The following NMNAT2 variants were observed in gnomAD, a reference collection of about 807,000 sequenced individuals.
The protein encoded by NMNAT2 is nicotinamide nucleotide adenylyltransferase 2, also known as nicotinamide/nicotinic acid mononucleotide adenylyltransferase 2.
NMNAT2 carries 11 observed loss-of-function variants against 41.6 expected under a neutral mutation model. That is an observed-to-expected ratio of 0.26 (90% CI 0.17 to 0.44). The LOEUF (loss-of-function observed/expected upper bound fraction) is 0.44. NMNAT2 is among the 20% of genes least tolerant of loss of function. NMNAT2 has a pLI of 1.00. For missense variants in NMNAT2, 288 were observed against 407.7 expected (o/e 0.71, Z 2.53); for synonymous variants, 148 against 151.2 (o/e 0.98, Z 0.16).
rs111237560 is a variant in NMNAT2, at chr1:183,253,004, A to G, written c.822-261T>C. ...CTCTGTTCTTCAGTTTTTTTCCTGT[A>G]AAATGAGGGTAATATCTGGGCCCCT... On this transcript the variant is annotated intron_variant, in intron 10 of 10. Coordinates refer to ENST00000287713, the MANE Select transcript of NMNAT2 (RefSeq NM_015039.4). Among the ~76,000 whole-genome samples, 313 of 152,290 alleles carry G rather than the reference A, an allele frequency of 2.1e-3. 2 individuals carry two copies. The highest frequency in any genetic ancestry group is 6.6e-3 in the African/African-American group (274 of 41,544).
At position 183,309,359 on chromosome 1, in the gene NMNAT2, C is replaced by T. The variant is rs186619747; in HGVS notation, c.86-15566G>A. ...TACATTTCAGAGATTGGCTGTTGGG[C>T]GGAAAATAAATTTAGTGGAGCAAGA... On this transcript the variant is annotated intron_variant, in intron 1 of 10. Transcript: ENST00000287713. Among the ~76,000 whole-genome samples the T allele has an allele frequency of 1.3e-3, 205 of 152,070 alleles. 2 individuals are homozygous for T. The highest frequency in any genetic ancestry group is 4.6e-3 in the African/African-American group (191 of 41,456).
At chr1:183,320,205 G>C (rs766344074) in intron 1 of NMNAT2, among the ~76,000 whole-genome samples, 11 of 152,250 alleles carry the variant, frequency 7.2e-5, no homozygotes, top group Non-Finnish European at 1.6e-4. Context: ...TAGTATTTCA[G>C]AGGTAGTATA....
chr1:183,383,958 C>T (rs1271635372), intron 1 of NMNAT2, among the ~76,000 whole-genome samples: 2 of 152,138 alleles, frequency 1.3e-5, no homozygotes, highest in Admixed American at 1.3e-4. Context: ...ATCTTTATAG[C>T]AATGTCCCAC....
At chr1:183,384,693 C>T (rs1252166018) in intron 1 of NMNAT2, among the ~76,000 whole-genome samples, 1 of 152,152 alleles carries the variant, frequency 6.6e-6, no homozygotes, top group Non-Finnish European at 1.5e-5. Context: ...GTAATAATTT[C>T]CCAGTTCACA....
At chr1:183,356,128 T>C (rs939987864) in intron 1 of NMNAT2, among the ~76,000 whole-genome samples, 1 of 152,184 alleles carries the variant, frequency 6.6e-6, no homozygotes, top group African/African-American at 2.4e-5. Context: ...CACAATCTCA[T>C]AGAATCCTCA....
At chr1:183,409,380 G>A (rs1649052304) in intron 1 of NMNAT2, among the ~76,000 whole-genome samples, 1 of 152,090 alleles carries the variant, frequency 6.6e-6, no homozygotes, top group South Asian at 2.1e-4. Context: ...ACAGTGGCAT[G>A]ATCATGACTC....
At chr1:183,356,300 A>G (rs1019589651) in intron 1 of NMNAT2, among the ~76,000 whole-genome samples, 1 of 152,186 alleles carries the variant, frequency 6.6e-6, no homozygotes, top group Non-Finnish European at 1.5e-5. Context: ...CCCTTATACT[A>G]TACTGTTCCC....
rs3841433 is a variant in NMNAT2 at position 183,249,682 on chromosome 1, CGTGTGTGTGTGTGTGTGTGTGTGT to C, written c.*2935_*2958del. The C allele has an allele frequency of 1.3e-4, 15 of 119,516 alleles. No homozygotes were observed. The highest frequency in any genetic ancestry group is 5.1e-4 in the Admixed American group (6 of 11,800). 7.4% of individuals were successfully genotyped at this position (119,516 alleles called of 1,614,324 possible). On this transcript the variant is annotated 3_prime_UTR_variant, in exon 11 of 11. Coordinates refer to ENST00000287713, the MANE Select transcript of NMNAT2 (RefSeq NM_015039.4). ...TTCCCCTAGCAAATGAAGAGTAGGG[CGTGTGTGTGTGTGTGTGTGTGTGT>C]GTGTGTGTGTGTGTGTGTGTGTGTG...
intron 1 of NMNAT2, among the ~76,000 whole-genome samples, chr1:183,314,667 A>C (rs1359167328): frequency 6.6e-6 from 1 of 152,236 alleles, no homozygotes; most frequent in Non-Finnish European, 1.5e-5. Flanking sequence ...CATGGTGTGC[A>C]CAGCCTTTTG....
intron 1 of NMNAT2, among the ~76,000 whole-genome samples, chr1:183,417,248 G>C (rs1649280470): frequency 1.3e-5 from 2 of 151,956 alleles, no homozygotes; most frequent in Admixed American, 1.3e-4. Context: ...GCTGGACCCC[G>C]AACCAGCCAG....
At chr1:183,363,185 G>T (rs1265782234) in intron 1 of NMNAT2, among the ~76,000 whole-genome samples, 1 of 152,140 alleles carries the variant, frequency 6.6e-6, no homozygotes, top group Non-Finnish European at 1.5e-5. Flanking sequence ...TTGCAAGCAT[G>T]GTGTGTTGGA....
chr1:183,273,999 A>G (rs1315524506), intron 8 of NMNAT2, among the ~76,000 whole-genome samples: 3 of 151,016 alleles, frequency 2.0e-5, no homozygotes, highest in Admixed American at 6.6e-5. Context: ...TGCAACCTCT[A>G]TCTCCTGGGT....
intron 1 of NMNAT2, among the ~76,000 whole-genome samples, chr1:183,416,670 CCTT>C (rs1159331136): frequency 2.6e-5 from 4 of 152,160 alleles, no homozygotes; most frequent in Non-Finnish European, 5.9e-5. Context: ...CAGCCTCCCT[CCTT>C]CTATCGTGTA....
intron 1 of NMNAT2, among the ~76,000 whole-genome samples, chr1:183,355,845 C>T (rs1663173099): frequency 1.3e-5 from 2 of 152,190 alleles, no homozygotes; most frequent in Admixed American, 1.3e-4. Context: ...TAGACTCAGA[C>T]AATCAGTGAA....
chr1:183,364,670 A>ACTTT (rs1178153591), intron 1 of NMNAT2, among the ~76,000 whole-genome samples: 4 of 148,280 alleles, frequency 2.7e-5, no homozygotes, highest in African/African-American at 1.0e-4. Flanking sequence ...TTTCTTTCTT[A>ACTTT]CTTTCTTTCT....
At position 183,284,807 on chromosome 1, in the gene NMNAT2, G is replaced by A. The variant is rs753133798; in HGVS notation, c.449-17C>T. The A allele has an allele frequency of 1.2e-6, 2 of 1,602,830 alleles. No homozygotes were observed. The highest frequency in any genetic ancestry group is 1.7e-6 in the Non-Finnish European group (2 of 1,169,676). On this transcript the variant is annotated splice_polypyrimidine_tract_variant and intron_variant, in intron 5 of 10. Transcript: ENST00000287713. Reference sequence around the variant, plus strand: ...AGATCTTGGCTATGGGAGAGAGCAAGACAGACAGGGACAGAGTGGGAGAGA... The same window carrying A: ...AGATCTTGGCTATGGGAGAGAGCAAAACAGACAGGGACAGAGTGGGAGAGA...
intron 3 of NMNAT2, among the ~76,000 whole-genome samples, chr1:183,292,387 T>C (rs1296097549): frequency 6.6e-6 from 1 of 152,130 alleles, no homozygotes; most frequent in Non-Finnish European, 1.5e-5. Flanking sequence ...AGTTCAGGAA[T>C]GGGAAATTGT....
chr1:183,261,400 C>T, intron 8 of NMNAT2, 97 bp from the exon 9 acceptor site: 1 of 1,105,816 alleles, frequency 9.0e-7, no homozygotes, highest in Non-Finnish European at 1.4e-6. Context: ...CATTCTTCCA[C>T]ATGGAGCCCC....
chr1:183,406,649 C>T (rs540320987), intron 1 of NMNAT2, among the ~76,000 whole-genome samples: 1 of 152,274 alleles, frequency 6.6e-6, no homozygotes, highest in Admixed American at 6.5e-5. Flanking sequence ...TCTGTGATTT[C>T]TGAAGATGCA....
Sources: gnomAD v4.1 joint callset for allele counts (sites outside exome capture counted in the v4.1 genomes callset) on GRCh38, gnomAD v4.1.1 for gene constraint, MANE v1.5 for transcripts, NCBI Gene and HGNC (gene_info 2026-07-23, HGNC 2026-07-21) for gene names.